AGBL1: variants seen among roughly 807,000 people sequenced by gnomAD.
AGBL1 encodes the protein cytosolic carboxypeptidase 4.
AGBL1 carries 130 observed loss-of-function variants against 118.9 expected under a neutral mutation model. The ratio of observed to expected loss-of-function variants is 1.09; its 90% CI spans 0.95 to 1.26. AGBL1 has a LOEUF of 1.26. Among genes scored for constraint, AGBL1 ranks in the 50% most tolerant of loss-of-function variants. The pLI is 0.00. For missense variants in AGBL1, 1,584 were observed against 1,298.1 expected (o/e 1.22, Z -3.38); for synonymous variants, 555 against 478.9 (o/e 1.16, Z -2.08).
In AGBL1 at chr15:86,156,597, A is replaced by G. The variant is rs185216416; in HGVS notation, c.394+2036A>G. Among the ~76,000 whole-genome samples, 8 of 152,256 alleles carry G rather than the reference A, an allele frequency of 5.3e-5. No individual in the cohort carries two copies. The East Asian group carries it at 1.4e-3, about 26-fold the overall frequency. On this transcript the variant is annotated intron_variant, in intron 4 of 22. Transcript: ENST00000614907. Reference sequence around the variant, plus strand: ...AGATGGGGTGAATGGGAGAATGTTCATGGGCATGTTCGTCACATGGCAACT... The same window carrying G: ...AGATGGGGTGAATGGGAGAATGTTCGTGGGCATGTTCGTCACATGGCAACT...
chr15:86,165,382 A>T (rs1021061489), intron 5 of AGBL1, among the ~76,000 whole-genome samples: 1 of 152,074 alleles, frequency 6.6e-6, no homozygotes, highest in Non-Finnish European at 1.5e-5. Context: ...CCCTGCCCCC[A>T]AATCACTCAC....
intron 1 of AGBL1, among the ~76,000 whole-genome samples, chr15:86,087,078 G>A (rs976933934): frequency 6.6e-6 from 1 of 152,106 alleles, no homozygotes; most frequent in African/African-American, 2.4e-5. Flanking sequence ...ATATCTATTA[G>A]CCACATAGAT....
intron 18 of AGBL1, among the ~76,000 whole-genome samples, chr15:86,401,161 T>C (rs2081438659): frequency 6.6e-6 from 1 of 152,226 alleles, no homozygotes; most frequent in Admixed American, 6.5e-5. Flanking sequence ...GTTGCAGAAG[T>C]AAGGTGGTAT....
chr15:86,927,779 A>G (rs1418830384), intron 23 of AGBL1, among the ~76,000 whole-genome samples: 1 of 152,132 alleles, frequency 6.6e-6, no homozygotes, highest in Non-Finnish European at 1.5e-5. Flanking sequence ...TTGCCTACAC[A>G]GACCTCTAGG....
intron 21 of AGBL1, among the ~76,000 whole-genome samples, chr15:86,666,017 C>T (rs914813114): frequency 6.6e-6 from 1 of 152,108 alleles, no homozygotes; most frequent in African/African-American, 2.4e-5. Flanking sequence ...GGAAAACCCT[C>T]ATTAATAGTT....
intron 22 of AGBL1, among the ~76,000 whole-genome samples, chr15:86,730,485 A>G (rs1411848553): frequency 1.3e-5 from 2 of 152,356 alleles, no homozygotes; most frequent in Admixed American, 1.3e-4. Context: ...AAACTTTAGA[A>G]CATTTTATTT....
At chr15:86,701,190 T>G (rs550418470) in intron 22 of AGBL1, among the ~76,000 whole-genome samples, 26 of 152,268 alleles carry the variant, frequency 1.7e-4, no homozygotes, top group African/African-American at 6.3e-4. Context: ...TTTCAGCCTG[T>G]GTGCTCTTTA....
chr15:86,593,635 C>A (rs2084368132), intron 21 of AGBL1, among the ~76,000 whole-genome samples: 1 of 152,096 alleles, frequency 6.6e-6, no homozygotes, highest in South Asian at 2.1e-4. Context: ...CAGTAAAATT[C>A]ACCCACTTTA....
At position 86,659,788 on chromosome 15, in the gene AGBL1, A is replaced by T. The variant is rs2085511842; in HGVS notation, c.2995-14485A>T. Among the ~76,000 whole-genome samples the T allele has an allele frequency of 2.6e-5, 4 of 152,318 alleles. No individual in the cohort carries two copies. In the South Asian group the frequency reaches 8.3e-4, roughly 32 times the overall value. ...ATTTCTCATCATTTGAACTGAACAA[A>T]GTCTGCTAACAAGTGTTTTGCCTGC... On this transcript the variant is annotated intron_variant, in intron 21 of 22. Coordinates refer to ENST00000614907, the MANE Select transcript of AGBL1 (RefSeq NM_001386094.1).
At chr15:86,424,147 G>A (rs140188910) in intron 18 of AGBL1, among the ~76,000 whole-genome samples, 6 of 152,274 alleles carry the variant, frequency 3.9e-5, no homozygotes, top group African/African-American at 1.4e-4. Context: ...CAAGGCTACA[G>A]TAACCAAAAC....
chr15:86,484,062 C>T (rs745408432), intron 18 of AGBL1, among the ~76,000 whole-genome samples: 1 of 152,134 alleles, frequency 6.6e-6, no homozygotes, highest in Non-Finnish European at 1.5e-5. Context: ...CATCTCTCCT[C>T]TTATCTATCC....
At chr15:86,583,655 CT>C in intron 21 of AGBL1, among the ~76,000 whole-genome samples, 1 of 152,186 alleles carries the variant, frequency 6.6e-6, no homozygotes, top group East Asian at 1.9e-4. Flanking sequence ...CTGCATGTGT[CT>C]TTTAGACTGA....
chr15:86,710,394 A>AT (rs2086535965), intron 22 of AGBL1, among the ~76,000 whole-genome samples: 1 of 152,152 alleles, frequency 6.6e-6, no homozygotes, highest in Non-Finnish European at 1.5e-5. Context: ...ACATCCCATT[A>AT]TTTTTAAAAT....
At chr15:86,357,198 G>A (rs1369208633) in intron 17 of AGBL1, among the ~76,000 whole-genome samples, 1 of 152,180 alleles carries the variant, frequency 6.6e-6, no homozygotes, top group Non-Finnish European at 1.5e-5. Context: ...GAGGGCTGAT[G>A]AAGGATTAAA....
At chr15:86,535,603 C>G (rs1002564814) in intron 19 of AGBL1, among the ~76,000 whole-genome samples, 4 of 152,186 alleles carry the variant, frequency 2.6e-5, no homozygotes, top group Admixed American at 6.5e-5. Flanking sequence ...CTGTTTATAA[C>G]TCACACAAAC....
At chr15:87,017,202 C>T (rs1198617889) in intron 24 of AGBL1, among the ~76,000 whole-genome samples, 2 of 152,058 alleles carry the variant, frequency 1.3e-5, no homozygotes, top group African/African-American at 2.4e-5. Flanking sequence ...GCTTTTCCAG[C>T]CTGCCAACTC....
At chr15:86,705,293 GAAACAAAACA>G (rs374248925) in intron 22 of AGBL1, among the ~76,000 whole-genome samples, 1 of 152,048 alleles carries the variant, frequency 6.6e-6, no homozygotes, top group Non-Finnish European at 1.5e-5. Context: ...TCCCAGAACT[GAAACAAAACA>G]AAACAAAACA....
chr15:86,273,454 G>A (rs1386388723), intron 15 of AGBL1, among the ~76,000 whole-genome samples: 4 of 152,136 alleles, frequency 2.6e-5, no homozygotes, highest in East Asian at 1.9e-4. Flanking sequence ...TATTCACCAC[G>A]TTGTGTTAAC....
downstream of AGBL1, among the ~76,000 whole-genome samples, chr15:87,030,350 T>C (rs1373923996): frequency 2.0e-5 from 3 of 152,022 alleles, no homozygotes; most frequent in Admixed American, 2.0e-4. Context: ...CCAATCGTTT[T>C]AAGAACCAAA....
Sources: allele counts gnomAD v4.1 joint callset (sites outside exome capture counted in the v4.1 genomes callset), GRCh38; gene constraint gnomAD v4.1.1; transcripts MANE v1.5; gene names NCBI Gene and HGNC (gene_info 2026-07-23, HGNC 2026-07-21).